COL4A6: variants seen among roughly 807,000 people sequenced by gnomAD.
COL4A6 encodes collagen alpha-6(IV) chain.
Under a neutral mutation model 126.7 loss-of-function variants are expected in COL4A6, and 59 were observed. That is an observed-to-expected ratio of 0.47 (90% confidence interval 0.38 to 0.58). The LOEUF (loss-of-function observed/expected upper bound fraction) is 0.58. Ranked by LOEUF, COL4A6 falls within the 20% of genes least tolerant of loss-of-function variation. COL4A6 has a pLI of 0.00. For synonymous variants in COL4A6, 547 were observed against 496.6 expected (o/e 1.10, Z -1.35); for missense variants, 1,285 against 1,337.3 (o/e 0.96, Z 0.61).
chrX:108,335,387 A>C (rs762165993), intron 2 of COL4A6, among the ~76,000 whole-genome samples: 6 of 112,218 alleles, frequency 5.3e-5, no homozygotes, highest in African/African-American at 1.9e-4. Flanking sequence ...TAACCTTCCC[A>C]ATATTACACA....
At chrX:108,389,110 T>C (rs2040772504) in intron 2 of COL4A6, among the ~76,000 whole-genome samples, 1 of 112,049 alleles carries the variant, frequency 8.9e-6, no homozygotes, top group South Asian at 3.7e-4. Flanking sequence ...TTCTCTTGCA[T>C]TTGCTAAGGA....
chrX:108,264,176 T>G (rs1301740534), intron 3 of COL4A6, among the ~76,000 whole-genome samples: 1 of 111,163 alleles, frequency 9.0e-6, no homozygotes, highest in Non-Finnish European at 1.9e-5. Flanking sequence ...GAGAGATCTA[T>G]CATCTAGCTA....
At chrX:108,235,771 T>G (rs1234544957) in intron 3 of COL4A6, among the ~76,000 whole-genome samples, 1 of 111,667 alleles carries the variant, frequency 9.0e-6, no homozygotes, top group Non-Finnish European at 1.9e-5. Flanking sequence ...CAGTCCATTA[T>G]CTGGTTCTTA....
intron 3 of COL4A6, chrX:108,269,261 G>A (rs2037389976): frequency 6.7e-6 from 2 of 299,145 alleles, no homozygotes; most frequent in Non-Finnish European, 1.3e-5. Context: ...AGGTTCGTGA[G>A]AGCAAAGCAC....
intron 3 of COL4A6, among the ~76,000 whole-genome samples, chrX:108,265,237 G>A (rs965411512): frequency 9.0e-6 from 1 of 110,840 alleles, no homozygotes; most frequent in Non-Finnish European, 1.9e-5. Flanking sequence ...ATGATCTAGG[G>A]GGGGCTTGTT....
At position 108,438,234 on chromosome X, in the gene COL4A6, C is replaced by T; in HGVS notation, c.-38G>A. 8.6e-7 allele frequency: 1 copy of T among 1,168,721 alleles called. No homozygotes were observed. The highest frequency in any genetic ancestry group is 2.6e-5 in the Admixed American group (1 of 38,944). ...TCCGGAGCTGGGTCCCGGGAGACTG[C>T]TAAGCGGCTCCGCGGCCCGTGCTCA... On this transcript the variant is annotated 5_prime_UTR_variant, in exon 1 of 45. It removes the in-frame stop codon of an upstream open reading frame in the 5' UTR. Coordinates refer to ENST00000334504, the MANE Select transcript of COL4A6 (RefSeq NM_033641.4).
At chrX:108,174,085 A>C (rs1849092780) in intron 31 of COL4A6, among the ~76,000 whole-genome samples, 1 of 112,400 alleles carries the variant, frequency 8.9e-6, no homozygotes, top group African/African-American at 3.2e-5. Flanking sequence ...CACAGAAGCA[A>C]CTAGAATTGA....
chrX:108,250,448 C>G lies in COL4A6; in HGVS notation c.145-29074G>C, dbSNP rs971804146. On this transcript the variant is annotated intron_variant, in intron 3 of 44. Transcript: ENST00000334504. ...CTATGAAATAATTAATTCTAGCCCC[C>G]TTGTCATCACTTAGATGATCTAGAG... Among the ~76,000 whole-genome samples the G allele has an allele frequency of 3.6e-5, 4 of 111,215 alleles. No homozygotes were observed. The East Asian group carries it at 1.1e-3, about 32-fold the overall frequency.
intron 3 of COL4A6, among the ~76,000 whole-genome samples, chrX:108,306,443 T>C (rs2147894665): frequency 9.0e-6 from 1 of 111,042 alleles, no homozygotes; most frequent in Non-Finnish European, 1.9e-5. Context: ...TAGTGGGTAG[T>C]CAGGAGAGGG....
At chrX:108,243,742 G>GATGCATCACTCACATACCC (rs1022344180) in intron 3 of COL4A6, among the ~76,000 whole-genome samples, 119 of 111,754 alleles carry the variant, frequency 1.1e-3, no homozygotes, top group African/African-American at 3.3e-3. Context: ...CAATGTCAAA[G>GATGCATCACTCACATACCC]ATGCATCACT....
intron 2 of COL4A6, among the ~76,000 whole-genome samples, chrX:108,377,460 T>C (rs1213684623): frequency 4.6e-5 from 5 of 109,620 alleles, no homozygotes; most frequent in African/African-American, 1.7e-4. Context: ...TTATTGACAG[T>C]CTATAATCTT....
At chrX:108,372,123 T>G (rs1399944170) in intron 2 of COL4A6, among the ~76,000 whole-genome samples, 1 of 111,130 alleles carries the variant, frequency 9.0e-6, no homozygotes, top group East Asian at 2.8e-4. Context: ...AGACTAACAG[T>G]CATTTTTCTC....
At chrX:108,413,784 T>A (rs1162918417) in intron 2 of COL4A6, among the ~76,000 whole-genome samples, 3 of 111,609 alleles carry the variant, frequency 2.7e-5, no homozygotes, top group Non-Finnish European at 5.6e-5. Context: ...CTCTGGAGAG[T>A]CACAAAGACT....
chrX:108,206,505 A>C lies in COL4A6; in HGVS notation c.609+13T>G, dbSNP rs1250513552. 8.3e-7 allele frequency: 1 copy of C among 1,204,788 alleles called. No homozygotes were observed. Among genetic ancestry groups the C allele is most frequent in the Admixed American group, 2.2e-5 (1 of 45,960 alleles). Reference sequence around the variant, plus strand: ...AACACTGTGATCACAAACTAGGCTTAAATTGATCTTACTTGTAATCCTGGT... The same window carrying C: ...AACACTGTGATCACAAACTAGGCTTCAATTGATCTTACTTGTAATCCTGGT... On this transcript the variant is annotated intron_variant, in intron 9 of 44. Coordinates refer to ENST00000334504, the MANE Select transcript of COL4A6 (RefSeq NM_033641.4).
intron 2 of COL4A6, among the ~76,000 whole-genome samples, chrX:108,396,195 A>G (rs2040959216): frequency 9.0e-6 from 1 of 111,042 alleles, no homozygotes; most frequent in Admixed American, 9.6e-5. Flanking sequence ...AAGTTGGGTA[A>G]AATCTGTTTT....
At chrX:108,346,279 T>C (rs2039704318) in intron 2 of COL4A6, among the ~76,000 whole-genome samples, 1 of 111,669 alleles carries the variant, frequency 9.0e-6, no homozygotes, top group East Asian at 2.8e-4. Flanking sequence ...CCATAGAGAA[T>C]ATATTAGTAT....
chrX:108,438,189 G>A lies in COL4A6; in HGVS notation c.8C>T (p.Pro3Leu), dbSNP rs1393923256. 2.5e-6 allele frequency: 3 copies of A among 1,197,749 alleles called. No homozygotes were observed. Among genetic ancestry groups the A allele is most frequent in the African/African-American group, 1.8e-5 (1 of 56,917 alleles). The change falls in exon 1 of 45, where the codon CCT becomes CTT. Residue 3 changes from proline to leucine, a missense_variant. Pro to Leu is a moderately conservative substitution (Grantham distance 98, BLOSUM62 -3). Coordinates refer to ENST00000334504, the MANE Select transcript of COL4A6 (RefSeq NM_033641.4). ...GCTCGGGGCAGCAACAGCTCACCCA[G>A]GGTGCATGCTTGCGGCTCCTCCGGA... Reference protein sequence around the residue: MHPGLWLLLVTLC... With the variant: MHLGLWLLLVTLC...
Position 108,170,670 on chromosome X carries a change from A to G in COL4A6, c.3432T>C (p.Gly1144=). The change falls in exon 35 of 45, where the codon GGT becomes GGC. Residue 1144 remains glycine (G), a synonymous_variant. Transcript: ENST00000334504. The part of the protein sequence containing the change: ...AGMRGEPGLP[G]SSGHQGAIGP... ...CAATTGCCCCTTGGTGACCAGAAGA[A>G]CCTGGAAGTCCTGGTTCTCCTCTCA... 8.3e-7 allele frequency: 1 copy of G among 1,206,717 alleles called. No individual in the cohort carries two copies. Among genetic ancestry groups the G allele is most frequent in the Non-Finnish European group, 1.1e-6 (1 of 894,025 alleles).
At chrX:108,158,064 G>A (rs781277081) in intron 44 of COL4A6, among the ~76,000 whole-genome samples, 3 of 112,675 alleles carry the variant, frequency 2.7e-5, no homozygotes, top group Non-Finnish European at 5.6e-5. Flanking sequence ...GACCTTTCAG[G>A]TGACCTTTCC....
Sources: gnomAD v4.1 joint callset for allele counts (sites outside exome capture counted in the v4.1 genomes callset) on GRCh38, gnomAD v4.1.1 for gene constraint, MANE v1.5 for transcripts, NCBI Gene and HGNC (gene_info 2026-07-23, HGNC 2026-07-21) for gene names.